ANXA6: variants seen among roughly 807,000 people sequenced by gnomAD.
ANXA6 encodes 67 kDa calelectrin.
Under a neutral mutation model 95.4 loss-of-function variants are expected in ANXA6, and 71 were observed. The observed-to-expected ratio is 0.74, with a 90% confidence interval of 0.61 to 0.91. The LOEUF is 0.91. Ranked by LOEUF, ANXA6 falls within the 40% of genes least tolerant of loss-of-function variation. The probability of loss-of-function intolerance (pLI) is 0.00; values close to 1 mark genes in which losing one functional copy is unlikely to be tolerated. For synonymous variants in ANXA6, 289 were observed against 315.9 expected, an observed-to-expected ratio of 0.91 and a Z score of 0.90; for missense variants, 830 against 876.4, an observed-to-expected ratio of 0.95 and a Z score of 0.67.
chr5:151,105,985 G>T (rs1355092083), intron 23 of ANXA6, among the ~76,000 whole-genome samples: 2 of 152,150 alleles, frequency 1.3e-5, no homozygotes, highest in African/African-American at 4.8e-5. Flanking sequence ...AATCAGGATG[G>T]TTGGCCACCC....
At chr5:151,131,875 C>T (rs1010768859) in intron 10 of ANXA6, among the ~76,000 whole-genome samples, 2 of 152,100 alleles carry the variant, frequency 1.3e-5, no homozygotes, top group Non-Finnish European at 2.9e-5. Context: ...CCTTCCTGCC[C>T]CCACACCCTG....
At chr5:151,137,349 T>C in intron 5 of ANXA6, 28 bp from the exon 6 acceptor site, 227 of 1,423,832 alleles carry the variant, frequency 1.6e-4, no homozygotes, top group Middle Eastern at 2.2e-4. Flanking sequence ...GCGCATGAAT[T>C]AAGGGCAGGG....
intron 3 of ANXA6, among the ~76,000 whole-genome samples, chr5:151,139,679 C>A (rs1201447663): frequency 1.3e-5 from 2 of 152,314 alleles, no homozygotes; most frequent in South Asian, 2.1e-4. Flanking sequence ...TGATCCAGCT[C>A]CTCACTGCAC....
At chr5:151,140,316 C>G in intron 2 of ANXA6, 73 bp from the exon 3 acceptor site, 1 of 1,265,926 alleles carries the variant, frequency 7.9e-7, no homozygotes, top group African/African-American at 1.5e-5. Flanking sequence ...AACCTCAGGT[C>G]AGATGCCTAC....
chr5:151,149,866 C>A (rs1310405646), intron 1 of ANXA6, among the ~76,000 whole-genome samples: 2 of 152,112 alleles, frequency 1.3e-5, no homozygotes, highest in East Asian at 3.9e-4. Flanking sequence ...TGCCTGTAAT[C>A]CCAGCACTTT....
Position 151,101,330 on chromosome 5 carries a change from A to ACCCCCCCCCCCCCCCCCCCCCCCCC in ANXA6, c.*117_*118insGGGGGGGGGGGGGGGGGGGGGGGGG. On this transcript the variant is annotated 3_prime_UTR_variant, in exon 26 of 26. Coordinates refer to ENST00000354546, the MANE Select transcript of ANXA6 (RefSeq NM_001155.5). ...CCACTGAAGATAAGAGCCCAACCCA[A>ACCCCCCCCCCCCCCCCCCCCCCCCC]CCCCTCCCCCCACCCCTGCCCCTTC... 1 of 385,870 alleles carries ACCCCCCCCCCCCCCCCCCCCCCCCC rather than the reference A, an allele frequency of 2.6e-6. No homozygotes were observed. Among genetic ancestry groups the ACCCCCCCCCCCCCCCCCCCCCCCCC allele is most frequent in the Non-Finnish European group, 5.2e-6 (1 of 190,630 alleles). 23.9% of individuals were successfully genotyped at this position (385,870 alleles called of 1,614,324 possible). A position where few individuals can be genotyped will look rare whatever the true frequency, so the allele number is the denominator to read the frequency against.
intron 17 of ANXA6, 74 bp from the exon 18 acceptor site, chr5:151,119,464 G>T: frequency 7.6e-7 from 1 of 1,321,586 alleles, no homozygotes; most frequent in Non-Finnish European, 1.1e-6. Context: ...GGCCCGGACG[G>T]CTAAAGCTCA....
At chr5:151,145,564 T>TG (rs142577700) in intron 2 of ANXA6, among the ~76,000 whole-genome samples, 7,997 of 152,106 alleles carry the variant, frequency 0.053, 532 homozygotes, top group East Asian at 0.17. Flanking sequence ...TGGAAGGAAC[T>TG]GGGGGGTGTC....
At chr5:151,136,463 A>G (rs1380034458) in intron 6 of ANXA6, 128 bp from the exon 7 acceptor site, 7 of 761,056 alleles carry the variant, frequency 9.2e-6, no homozygotes, top group Non-Finnish European at 1.5e-5. Context: ...CACGTCCATC[A>G]TGGCAAGACC....
chr5:151,101,330 A>ACCCCCCCCCCCCCCC lies in ANXA6; in HGVS notation c.*117_*118insGGGGGGGGGGGGGGG. The stretch of plus-strand genomic sequence containing the variant: ...CCACTGAAGATAAGAGCCCAACCCA[A>ACCCCCCCCCCCCCCC]CCCCTCCCCCCACCCCTGCCCCTTC... On this transcript the variant is annotated 3_prime_UTR_variant, in exon 26 of 26. Transcript: ENST00000354546. 1 of 385,870 alleles carries ACCCCCCCCCCCCCCC rather than the reference A, an allele frequency of 2.6e-6. No individual in the cohort carries two copies. The highest frequency in any genetic ancestry group is 5.2e-6 in the Non-Finnish European group (1 of 190,630). The allele number at this position is 385,870 out of a possible 1,614,324, so 23.9% of individuals were successfully genotyped here.
chr5:151,145,169 C>T (rs1243026369), intron 2 of ANXA6, among the ~76,000 whole-genome samples: 1 of 152,196 alleles, frequency 6.6e-6, no homozygotes, highest in Non-Finnish European at 1.5e-5. Context: ...GCAGCCGGGC[C>T]CTGGGGCTCT....
At chr5:151,116,664 C>A (rs979476314) in intron 20 of ANXA6, among the ~76,000 whole-genome samples, 5 of 152,224 alleles carry the variant, frequency 3.3e-5, no homozygotes, top group African/African-American at 1.2e-4. Context: ...CCTTGAGGAA[C>A]TTACTTTCTA....
chr5:151,138,663 A>AC lies in ANXA6; in HGVS notation c.318+14dup, dbSNP rs771965652. ...ACATCCCCACCCCAACACCACATAC[A>AC]CCCCCACTTCTTACCGAGATGGCAT... On this transcript the variant is annotated intron_variant, in intron 5 of 25. Coordinates refer to ENST00000354546, the MANE Select transcript of ANXA6 (RefSeq NM_001155.5). 1.0e-5 allele frequency: 16 copies of AC among 1,589,506 alleles called. No individual in the cohort carries two copies. Among genetic ancestry groups the AC allele is most frequent in the South Asian group, 2.2e-5 (2 of 90,150 alleles).
At chr5:151,134,575 A>G in intron 7 of ANXA6, 92 bp from the exon 8 acceptor site, 1 of 1,342,266 alleles carries the variant, frequency 7.5e-7, no homozygotes, top group East Asian at 2.3e-5. Context: ...AAAGCAGGAA[A>G]ACCCTGGTGG....
At chr5:151,120,434 AG>A (rs988446958) in intron 17 of ANXA6, among the ~76,000 whole-genome samples, 9 of 143,562 alleles carry the variant, frequency 6.3e-5, no homozygotes, top group African/African-American at 1.8e-4. Flanking sequence ...AAAAAAAAAA[AG>A]TCCGGGCGTG....
intron 18 of ANXA6, among the ~76,000 whole-genome samples, chr5:151,118,816 C>T (rs1344570847): frequency 6.6e-6 from 1 of 152,018 alleles, no homozygotes; most frequent in African/African-American, 2.4e-5. Context: ...AATCCGCCTG[C>T]CTGAGACTCC....
At chr5:151,123,086 GC>G (rs1765218391) in intron 15 of ANXA6, 75 bp from the exon 16 acceptor site, 2 of 1,245,904 alleles carry the variant, frequency 1.6e-6, no homozygotes, top group Non-Finnish European at 1.2e-6. Context: ...CCCACTGATG[GC>G]CCCTCATCGA....
At chr5:151,127,924 A>G (rs1192378767) in intron 13 of ANXA6, among the ~76,000 whole-genome samples, 1 of 152,142 alleles carries the variant, frequency 6.6e-6, no homozygotes, top group Non-Finnish European at 1.5e-5. Context: ...ACAACCCCAG[A>G]CTGACTTTCC....
chr5:151,142,431 T>C (rs1765862190), intron 2 of ANXA6, among the ~76,000 whole-genome samples: 2 of 151,402 alleles, frequency 1.3e-5, no homozygotes, highest in South Asian at 4.2e-4. Flanking sequence ...TGAGCTCAGA[T>C]CGCATCACTG....
Sources: allele counts gnomAD v4.1 joint callset (sites outside exome capture counted in the v4.1 genomes callset), GRCh38; gene constraint gnomAD v4.1.1; transcripts MANE v1.5; gene names NCBI Gene and HGNC (gene_info 2026-07-23, HGNC 2026-07-21).